The following SPOP variants were observed in gnomAD, a reference collection of about 807,000 sequenced individuals.
SPOP encodes speckle-type POZ protein.
A neutral mutation model predicts 45.6 loss-of-function variants in SPOP; 11 were observed. The observed-to-expected ratio is 0.24, with a 90% CI of 0.15 to 0.40. The LOEUF (loss-of-function observed/expected upper bound fraction) is 0.40. Ranked by LOEUF, SPOP falls within the 10% of genes least tolerant of loss-of-function variation. The pLI is 1.00. For synonymous variants in SPOP, 166 were observed against 166.3 expected (o/e 1.00, Z 0.01); for missense variants, 152 against 465.6 (o/e 0.33, Z 6.20).
chr17:49,607,483 A>G, intron 7 of SPOP, 111 bp from the exon 8 acceptor site: 2 of 1,349,998 alleles, frequency 1.5e-6, no homozygotes, highest in South Asian at 3.2e-5. Flanking sequence ...TATCATTTAA[A>G]ACCTAACATT....
At chr17:49,661,985 C>G (rs2072994162) in intron 1 of SPOP, among the ~76,000 whole-genome samples, 2 of 137,766 alleles carry the variant, frequency 1.5e-5, no homozygotes, top group Admixed American at 1.6e-4. Flanking sequence ...TGCACTCCAG[C>G]CTGGGCAACA....
At position 49,678,012 on chromosome 17, in the gene SPOP, G is replaced by A; in HGVS notation, c.-146C>T. On this transcript the variant is annotated 5_prime_UTR_variant, in exon 1 of 10. Transcript: ENST00000504102. ...TGTCCGCAACATCCGGGACCTGCGG[G>A]ACCGCCGATACACAAATACACACAC... 2 of 399,238 alleles carry A rather than the reference G, an allele frequency of 5.0e-6. No individual in the cohort carries two copies. The highest frequency in any genetic ancestry group is 8.8e-6 in the Non-Finnish European group (2 of 226,514). 24.7% of individuals were successfully genotyped at this position (399,238 alleles called of 1,614,324 possible). A position where few individuals can be genotyped will look rare whatever the true frequency, so the allele number is the denominator to read the frequency against.
At chr17:49,671,404 G>A (rs1303878799) in intron 1 of SPOP, among the ~76,000 whole-genome samples, 1 of 151,738 alleles carries the variant, frequency 6.6e-6, no homozygotes, top group African/African-American at 2.4e-5. Flanking sequence ...ATACATAAAG[G>A]TTAAGGGTAA....
intron 1 of SPOP, among the ~76,000 whole-genome samples, chr17:49,638,679 T>C (rs1266546532): frequency 1.3e-5 from 2 of 152,206 alleles, no homozygotes; most frequent in East Asian, 1.9e-4. Context: ...TAATAGGTTT[T>C]GGTAAACCAA....
chr17:49,602,300 C>T (rs958723089), intron 8 of SPOP: 1 of 257,432 alleles, frequency 3.9e-6, no homozygotes, highest in East Asian at 8.0e-5. Flanking sequence ...AGTTTACTCT[C>T]CTCCTGACTG....
chr17:49,665,685 CA>C (rs1219902999), intron 1 of SPOP, among the ~76,000 whole-genome samples: 3 of 136,468 alleles, frequency 2.2e-5, no homozygotes, highest in African/African-American at 8.2e-5. Context: ...CACACACACA[CA>C]CACACACACC....
At chr17:49,639,186 T>C (rs1331201693) in intron 1 of SPOP, among the ~76,000 whole-genome samples, 1 of 152,186 alleles carries the variant, frequency 6.6e-6, no homozygotes. Context: ...GCTGTGATTC[T>C]TAAAGCAGAA....
chr17:49,622,279 G>C (rs1227829565), intron 2 of SPOP: 4 of 650,896 alleles, frequency 6.1e-6, no homozygotes, highest in South Asian at 1.5e-5. Flanking sequence ...CAGCTGCTGA[G>C]AACACTGGAT....
At position 49,599,396 on chromosome 17, in the gene SPOP, G is replaced by A. The variant is rs560399952; in HGVS notation, c.*982C>T. On this transcript the variant is annotated 3_prime_UTR_variant, in exon 10 of 10. Transcript: ENST00000504102. ...GAACAGAACTGGCTCCTATGCAGGC[G>A]GCAAGTCAGGTACAAACAGCTGAGC... 4.4e-5 allele frequency: 10 copies of A among 225,762 alleles called. No homozygotes were observed. The highest frequency in any genetic ancestry group is 2.6e-4 in the East Asian group (4 of 15,660). The allele number at this position is 225,762 out of a possible 1,614,324, so 14.0% of individuals were successfully genotyped here. A position where few individuals can be genotyped will look rare whatever the true frequency, so the allele number is the denominator to read the frequency against.
At chr17:49,657,717 T>C (rs1463763714) in intron 1 of SPOP, among the ~76,000 whole-genome samples, 16 of 141,284 alleles carry the variant, frequency 1.1e-4, no homozygotes, top group Non-Finnish European at 1.8e-4. Flanking sequence ...TTTTTTTTTT[T>C]TGAAACAGAG....
Position 49,600,592 on chromosome 17 carries a change from T to G in SPOP, c.981-70A>C. On this transcript the variant is annotated intron_variant, in intron 9 of 9. Transcript: ENST00000504102. This position sits in a 1 kb window ranked among gnomAD's most constrained non-coding sequence, Gnocchi z 4.2. ...GGGATGAATTCAACAGCCACCTAGA[T>G]AGCCTAATTTTCCACTGTTAGGTAT... 1 of 1,567,186 alleles carries G rather than the reference T, an allele frequency of 6.4e-7. No individual in the cohort carries two copies. The highest frequency in any genetic ancestry group is 8.8e-7 in the Non-Finnish European group (1 of 1,142,300).
chr17:49,621,362 G>A (rs908267673), intron 3 of SPOP, among the ~76,000 whole-genome samples: 3 of 152,208 alleles, frequency 2.0e-5, no homozygotes, highest in African/African-American at 7.2e-5. Flanking sequence ...AACAGGGCCA[G>A]GGCAGAGATG....
intron 1 of SPOP, among the ~76,000 whole-genome samples, chr17:49,627,496 G>T (rs1349920497): frequency 6.6e-6 from 1 of 152,150 alleles, no homozygotes; most frequent in Non-Finnish European, 1.5e-5. Flanking sequence ...TTGATTTTAT[G>T]CATTAGTTAA....
chr17:49,641,118 C>G (rs2072639442), intron 1 of SPOP, among the ~76,000 whole-genome samples: 1 of 151,852 alleles, frequency 6.6e-6, no homozygotes, highest in Admixed American at 6.6e-5. Context: ...CAAAAATCAG[C>G]TGGGCGTGGT....
At chr17:49,626,853 G>T (rs1359382466) in intron 1 of SPOP, among the ~76,000 whole-genome samples, 1 of 151,970 alleles carries the variant, frequency 6.6e-6, no homozygotes, top group Non-Finnish European at 1.5e-5. Flanking sequence ...CTATCTTACA[G>T]GAATTTCCTT....
chr17:49,647,745 T>C (rs2072783995), intron 1 of SPOP, among the ~76,000 whole-genome samples: 1 of 152,172 alleles, frequency 6.6e-6, no homozygotes, highest in Non-Finnish European at 1.5e-5. Flanking sequence ...CCTCCCAAAG[T>C]GCTAGGATTA....
At chr17:49,666,768 C>T (rs2073065039) in intron 1 of SPOP, among the ~76,000 whole-genome samples, 1 of 152,170 alleles carries the variant, frequency 6.6e-6, no homozygotes, top group African/African-American at 2.4e-5. Flanking sequence ...GCAGAGGTGG[C>T]AGTGAGCCAA....
chr17:49,631,831 C>T (rs1223350546), intron 1 of SPOP, among the ~76,000 whole-genome samples: 1 of 152,222 alleles, frequency 6.6e-6, no homozygotes, highest in Non-Finnish European at 1.5e-5. Flanking sequence ...GGTCTCCTAG[C>T]AAATGAAGTT....
chr17:49,672,706 G>C (rs1324079248), intron 1 of SPOP, among the ~76,000 whole-genome samples: 3 of 152,128 alleles, frequency 2.0e-5, no homozygotes, highest in Non-Finnish European at 4.4e-5. Context: ...CAGCACTTTG[G>C]GAGGCCGACG....
Sources: allele counts gnomAD v4.1 joint callset (sites outside exome capture counted in the v4.1 genomes callset), GRCh38; gene constraint gnomAD v4.1.1; non-coding constraint Gnocchi (gnomAD v3.1); transcripts MANE v1.5; gene names NCBI Gene and HGNC (gene_info 2026-07-23, HGNC 2026-07-21).